The following USP45 variants were observed in gnomAD, a reference collection of about 807,000 sequenced individuals.
USP45 encodes ubiquitin specific peptidase 45.
USP45 carries 89 observed loss-of-function variants against 95.8 expected under a neutral mutation model. That is an observed-to-expected ratio of 0.93 (90% CI 0.78 to 1.11). The LOEUF (loss-of-function observed/expected upper bound fraction) is 1.11, where lower values mean the gene tolerates loss of function less well. Ranked by LOEUF, USP45 falls within the 50% of genes least tolerant of loss-of-function variation. The pLI, the probability that USP45 is intolerant of heterozygous loss-of-function variation, is 0.00. For missense variants in USP45, 898 were observed against 942.5 expected (o/e 0.95, Z 0.62); for synonymous variants, 281 against 316.2 (o/e 0.89, Z 1.18).
intron 5 of USP45, among the ~76,000 whole-genome samples, chr6:99,493,833 A>G (rs1261790139): frequency 6.6e-6 from 1 of 152,196 alleles, no homozygotes; most frequent in East Asian, 1.9e-4. Context: ...TATAGCTTCT[A>G]CTGAAGAACT....
At chr6:99,478,744 T>C (rs547742311) in intron 8 of USP45, among the ~76,000 whole-genome samples, 7 of 152,064 alleles carry the variant, frequency 4.6e-5, no homozygotes, top group South Asian at 2.1e-4. Flanking sequence ...TCACCCTAAG[T>C]GAACTAATGC....
chr6:99,483,802 C>T (rs1392810392), intron 7 of USP45, among the ~76,000 whole-genome samples: 2 of 114,336 alleles, frequency 1.7e-5, no homozygotes, highest in Non-Finnish European at 3.3e-5. Context: ...TGCGCCACTG[C>T]AGTCCGCAGT....
intron 1 of USP45, among the ~76,000 whole-genome samples, chr6:99,514,099 A>G (rs1235432294): frequency 6.6e-6 from 1 of 152,208 alleles, no homozygotes; most frequent in Non-Finnish European, 1.5e-5. Context: ...CCACATTTAG[A>G]GCTTTGATAG....
intron 1 of USP45, among the ~76,000 whole-genome samples, chr6:99,512,783 C>T (rs1003513892): frequency 6.6e-6 from 1 of 152,122 alleles, no homozygotes; most frequent in Non-Finnish European, 1.5e-5. Flanking sequence ...CTCTGAGTTC[C>T]TTGAGCACTT....
At chr6:99,480,399 G>T (rs1792092448) in intron 8 of USP45, among the ~76,000 whole-genome samples, 1 of 152,230 alleles carries the variant, frequency 6.6e-6, no homozygotes, top group African/African-American at 2.4e-5. Flanking sequence ...GGACCGGCCA[G>T]GCGCAGTGGC....
chr6:99,514,109 G>C (rs1266953338), intron 1 of USP45, among the ~76,000 whole-genome samples: 1 of 152,200 alleles, frequency 6.6e-6, no homozygotes, highest in Non-Finnish European at 1.5e-5. Flanking sequence ...AGCTTTGATA[G>C]GATGCACGGG....
At chr6:99,440,501 GA>G (rs1282533106) in intron 15 of USP45, among the ~76,000 whole-genome samples, 1 of 152,070 alleles carries the variant, frequency 6.6e-6, no homozygotes, top group East Asian at 1.9e-4. Flanking sequence ...AGGTATTGAG[GA>G]GACCCATAAA....
rs1219760774 is a variant in USP45, at chr6:99,445,174, A to G, written c.1975+623T>C. Among the ~76,000 whole-genome samples the G allele has an allele frequency of 2.0e-5, 3 of 152,138 alleles. No individual in the cohort carries two copies. In the South Asian group the frequency reaches 6.2e-4, roughly 32 times the overall value. ...ACACATTAGCTTTATCATTTATCTT[A>G]CCAGTGATACAATTAGAAGTTTTAG... On this transcript the variant is annotated intron_variant, in intron 14 of 17. Coordinates refer to ENST00000500704, the MANE Select transcript of USP45 (RefSeq NM_001346022.3).
At chr6:99,452,344 C>T (rs1227756610) in intron 13 of USP45, among the ~76,000 whole-genome samples, 1 of 151,792 alleles carries the variant, frequency 6.6e-6, no homozygotes, top group Non-Finnish European at 1.5e-5. Flanking sequence ...AAAAAAACAA[C>T]CCCATCAAAA....
chr6:99,483,565 G>A (rs1315509383), intron 7 of USP45, among the ~76,000 whole-genome samples: 2 of 152,094 alleles, frequency 1.3e-5, no homozygotes, highest in East Asian at 3.9e-4. Flanking sequence ...CCGGCCGGGC[G>A]CGGTGGCTCA....
chr6:99,501,766 A>G, intron 5 of USP45: 7 of 386,336 alleles, frequency 1.8e-5, no homozygotes, highest in Non-Finnish European at 2.8e-5. Context: ...TTGTTAGGTA[A>G]CAAAGTATAC....
chr6:99,467,533 G>A (rs1055918412), intron 10 of USP45, among the ~76,000 whole-genome samples: 3 of 151,868 alleles, frequency 2.0e-5, no homozygotes, highest in East Asian at 1.9e-4. Context: ...AAATATTAGA[G>A]CACTGAATGA....
chr6:99,465,069 C>T lies in USP45; in HGVS notation c.1164+11G>A. The stretch of plus-strand genomic sequence containing the variant: ...TCACCAAAGCTTCATCATTAGTTTT[C>T]TTCTCCTTACCCTTTCTTCTATTAT... On this transcript the variant is annotated intron_variant, in intron 12 of 17. Coordinates refer to ENST00000500704, the MANE Select transcript of USP45 (RefSeq NM_001346022.3). 6.3e-7 allele frequency: 1 copy of T among 1,578,674 alleles called. No homozygotes were observed. Among genetic ancestry groups the T allele is most frequent in the Non-Finnish European group, 8.6e-7 (1 of 1,159,794 alleles).
intron 9 of USP45, among the ~76,000 whole-genome samples, chr6:99,473,296 T>C (rs774067404): frequency 6.6e-6 from 1 of 151,938 alleles, no homozygotes; most frequent in Non-Finnish European, 1.5e-5. Context: ...TCCCAGCACT[T>C]TGGGAGGCCG....
chr6:99,436,160 TC>T (rs1483281225), intron 17 of USP45, among the ~76,000 whole-genome samples: 1 of 140,374 alleles, frequency 7.1e-6, no homozygotes, highest in African/African-American at 2.6e-5. Context: ...CTAGCCCCCC[TC>T]CCCCGACAGG....
intron 1 of USP45, among the ~76,000 whole-genome samples, chr6:99,511,886 T>TACAC (rs1370395623): frequency 2.1e-5 from 3 of 142,518 alleles, no homozygotes; most frequent in African/African-American, 5.2e-5. Context: ...TATATATATA[T>TACAC]ACACATAGTT....
chr6:99,441,301 G>A (rs971291974), intron 15 of USP45, among the ~76,000 whole-genome samples: 13 of 152,152 alleles, frequency 8.5e-5, no homozygotes, highest in African/African-American at 2.9e-4. Context: ...GGAGGCCGAG[G>A]TGGGTGGATC....
At position 99,478,216 on chromosome 6, in the gene USP45, ATTTGT is replaced by A. The variant is rs1293261444; in HGVS notation, c.846-1991_846-1987del. 4.1e-4 allele frequency among the ~76,000 whole-genome samples: 47 copies of A among 114,984 alleles called. No homozygotes were observed. In the Admixed American group the frequency reaches 4.6e-3, roughly 11 times the overall value. 75.4% of individuals were successfully genotyped at this position (114,984 alleles called of 152,430 possible). A position where few individuals can be genotyped will look rare whatever the true frequency, so the allele number is the denominator to read the frequency against. On this transcript the variant is annotated intron_variant, in intron 8 of 17. Coordinates refer to ENST00000500704, the MANE Select transcript of USP45 (RefSeq NM_001346022.3). ...ACTGAAGAAAATTTAATAAACTTAG[ATTTGT>A]TTTTTTTTTTTTTTTTTTTTTTTAA...
rs184302084 is a variant in USP45 at position 99,465,165 on chromosome 6, A to G, written c.1108-29T>C. ...AAAAGGAAAACACATTGAAAACTTC[A>G]GTTAGAATTCTAATATAAACATACA... On this transcript the variant is annotated intron_variant, in intron 11 of 17. Transcript: ENST00000500704. 34 of 1,555,258 alleles carry G rather than the reference A, an allele frequency of 2.2e-5. 1 individual carries two copies. The African/African-American group carries it at 2.7e-4, about 12-fold the overall frequency.
Sources: allele counts gnomAD v4.1 joint callset (sites outside exome capture counted in the v4.1 genomes callset), GRCh38; gene constraint gnomAD v4.1.1; transcripts MANE v1.5; gene names NCBI Gene and HGNC (gene_info 2026-07-23, HGNC 2026-07-21).